The following LY75 variants were observed in gnomAD, a reference collection of about 807,000 sequenced individuals.
The protein encoded by LY75 is lymphocyte antigen 75.
LY75 carries 185 observed loss-of-function variants against 231.7 expected under a neutral mutation model. That is an observed-to-expected ratio of 0.80 (90% CI 0.71 to 0.90). The LOEUF (loss-of-function observed/expected upper bound fraction) is 0.90. LY75 is among the 40% of genes least tolerant of loss of function. The pLI is 0.00. For synonymous variants in LY75, 668 were observed against 689.0 expected (o/e 0.97, Z 0.48); for missense variants, 1,947 against 2,050.2 (o/e 0.95, Z 0.97).
chr2:159,823,426 C>T (rs774310527), intron 28 of LY75, among the ~76,000 whole-genome samples: 1 of 152,088 alleles, frequency 6.6e-6, no homozygotes, highest in Non-Finnish European at 1.5e-5. Context: ...ATGAACAAAG[C>T]CTCCAAGAAA....
chr2:159,877,503 T>G (rs9789367), intron 11 of LY75, among the ~76,000 whole-genome samples: 27,072 of 152,174 alleles, frequency 0.18, 2,717 homozygotes, highest in East Asian at 0.36. Flanking sequence ...CCTTTCCGGC[T>G]TAAGTGTTCT....
chr2:159,900,914 C>G (rs774442056), intron 1 of LY75, among the ~76,000 whole-genome samples: 57 of 152,108 alleles, frequency 3.7e-4, no homozygotes, highest in Non-Finnish European at 7.3e-4. Flanking sequence ...TCTCAGCTAA[C>G]TGCAACCTCC....
intron 13 of LY75, among the ~76,000 whole-genome samples, chr2:159,871,131 T>C (rs968351096): frequency 6.6e-6 from 1 of 152,182 alleles, no homozygotes; most frequent in South Asian, 2.1e-4. Context: ...GCTATTCTTC[T>C]ATTCAAATAA....
intron 32 of LY75, among the ~76,000 whole-genome samples, chr2:159,809,098 G>T (rs1335184409): frequency 6.6e-6 from 1 of 152,140 alleles, no homozygotes; most frequent in Non-Finnish European, 1.5e-5. Flanking sequence ...AAACCGAATG[G>T]TTCCCACACA....
rs754953895 is a variant in LY75, at chr2:159,819,808, G to A, written c.4071C>T (p.Phe1357=). The change falls in exon 29 of 35, where the codon TTC becomes TTT. Residue 1357 remains phenylalanine (F), a synonymous_variant. Coordinates refer to ENST00000263636, the MANE Select transcript of LY75 (RefSeq NM_002349.4). Reference sequence around the variant, plus strand: ...TAACTTTAAAGGTTTGAATATCCCAGAAGCCGTCAGTACTTAAACCAGCCA... The same window carrying A: ...TAACTTTAAAGGTTTGAATATCCCAAAAGCCGTCAGTACTTAAACCAGCCA... ...KFLAGLSTDG[F]WDIQTFKVIE... is the part of the protein sequence containing the mutation. 2 of 1,614,068 alleles carry A rather than the reference G, an allele frequency of 1.2e-6. No homozygotes were observed. Among genetic ancestry groups the A allele is most frequent in the South Asian group, 2.2e-5 (2 of 91,060 alleles).
chr2:159,864,779 A>G, intron 14 of LY75, 60 bp downstream of exon 14: 2 of 1,434,122 alleles, frequency 1.4e-6, no homozygotes, highest in East Asian at 5.1e-5. Context: ...TTAACAATCA[A>G]CTTGTTATTG....
intron 21 of LY75, among the ~76,000 whole-genome samples, chr2:159,850,794 A>ATATATATATATATATATATAT (rs1560081043): frequency 7.6e-6 from 1 of 131,520 alleles, no homozygotes; most frequent in African/African-American, 3.0e-5. Flanking sequence ...ATATATATAT[A>ATATATATATATATATATATAT]TATATTATAT....
At chr2:159,839,892 G>A (rs1260270834) in intron 25 of LY75, among the ~76,000 whole-genome samples, 6 of 151,458 alleles carry the variant, frequency 4.0e-5, no homozygotes, top group African/African-American at 1.2e-4. Context: ...TGTAATCCCA[G>A]CTACTGAGGA....
intron 25 of LY75, among the ~76,000 whole-genome samples, chr2:159,839,076 A>T (rs771363253): frequency 6.6e-6 from 1 of 152,140 alleles, no homozygotes; most frequent in Non-Finnish European, 1.5e-5. Flanking sequence ...GATTACAGGC[A>T]TGAGCCACCA....
At chr2:159,876,334 A>T (rs1484742902) in intron 11 of LY75, among the ~76,000 whole-genome samples, 1 of 152,210 alleles carries the variant, frequency 6.6e-6, no homozygotes, top group Non-Finnish European at 1.5e-5. Flanking sequence ...ATTTTCCATT[A>T]CATCACACTG....
At chr2:159,811,241 A>G (rs146099429) in intron 31 of LY75, among the ~76,000 whole-genome samples, 90 of 152,220 alleles carry the variant, frequency 5.9e-4, no homozygotes, top group Non-Finnish European at 3.1e-4. Context: ...AAGAAGAACT[A>G]TTTTTTAAAA....
chr2:159,863,480 A>G (rs1401438301), intron 14 of LY75, among the ~76,000 whole-genome samples: 1 of 152,096 alleles, frequency 6.6e-6, no homozygotes, highest in African/African-American at 2.4e-5. Flanking sequence ...TGTCTTTTTT[A>G]TAATAATCAT....
At chr2:159,874,686 AATATATATATTTTGTAAATATATGTAAAT>A (rs1560094041) in intron 12 of LY75, among the ~76,000 whole-genome samples, 3 of 46,252 alleles carry the variant, frequency 6.5e-5, no homozygotes, top group African/African-American at 1.2e-4. Flanking sequence ...AATATATGTA[AATATATATATTTTGTAAATATATGTAAAT>A]ATATATATTT....
chr2:159,847,348 T>C (rs1188203188), intron 23 of LY75, among the ~76,000 whole-genome samples: 1 of 152,136 alleles, frequency 6.6e-6, no homozygotes, highest in Non-Finnish European at 1.5e-5. Context: ...CAATTTTTTT[T>C]AGAGACAGGG....
chr2:159,812,114 C>A (rs1400134393), intron 31 of LY75: 2 of 151,810 alleles, frequency 1.3e-5, no homozygotes, highest in Non-Finnish European at 2.9e-5. Flanking sequence ...GGATAGGGAA[C>A]TTTTCTGAAT....
chr2:159,838,940 C>A (rs185223399), intron 25 of LY75, among the ~76,000 whole-genome samples: 1 of 152,010 alleles, frequency 6.6e-6, no homozygotes, highest in East Asian at 1.9e-4. Flanking sequence ...GGGTTACAGA[C>A]GCCCGCCATG....
chr2:159,833,550 A>G (rs549311696), intron 27 of LY75, among the ~76,000 whole-genome samples: 1 of 152,350 alleles, frequency 6.6e-6, no homozygotes, highest in Non-Finnish European at 1.5e-5. Context: ...TTTGTCACTG[A>G]TAATGTAGAT....
chr2:159,889,641 T>C (rs966886526), intron 4 of LY75, among the ~76,000 whole-genome samples: 5 of 99,714 alleles, frequency 5.0e-5, no homozygotes, highest in African/African-American at 1.2e-4. Flanking sequence ...ATAAATGGTC[T>C]TTTAAAGTTT....
chr2:159,841,234 T>C (rs1455152442), intron 24 of LY75, among the ~76,000 whole-genome samples: 2 of 152,202 alleles, frequency 1.3e-5, no homozygotes, highest in Non-Finnish European at 1.5e-5. Context: ...TGCATTATCA[T>C]GTCATGTCGG....
Sources: allele counts gnomAD v4.1 joint callset (sites outside exome capture counted in the v4.1 genomes callset), GRCh38; gene constraint gnomAD v4.1.1; transcripts MANE v1.5; gene names NCBI Gene and HGNC (gene_info 2026-07-23, HGNC 2026-07-21).